The following VPS16 variants were observed in gnomAD, a reference collection of about 807,000 sequenced individuals.
VPS16 encodes the protein vacuolar protein sorting-associated protein 16 homolog.
Under a neutral mutation model 116.0 loss-of-function variants are expected in VPS16, and 82 were observed. The ratio of observed to expected loss-of-function variants is 0.71; its 90% CI spans 0.59 to 0.85. VPS16 has a LOEUF of 0.85. VPS16 is among the 40% of genes least tolerant of loss of function. The pLI is 0.00. For missense variants in VPS16, 928 were observed against 1,090.6 expected (o/e 0.85, Z 2.10); for synonymous variants, 406 against 420.7 (o/e 0.96, Z 0.43).
chr20:2,850,427 G>A (rs1426430088), intron 1 of VPS16, among the ~76,000 whole-genome samples: 6 of 152,074 alleles, frequency 3.9e-5, no homozygotes, highest in African/African-American at 1.4e-4. Context: ...AAGAAATCGA[G>A]ACTATCTGGC....
Position 2,866,453 on chromosome 20 carries a change from T to G in VPS16, c.2399T>G (p.Val800Gly), listed in dbSNP as rs748177766. The change falls in exon 24 of 24, where the codon GTG (valine) becomes GGG (glycine). Residue 800 changes from valine (V) to glycine (G), a missense_variant. Val to Gly is a moderately radical substitution (Grantham distance 109). Coordinates refer to ENST00000380445, the MANE Select transcript of VPS16 (RefSeq NM_022575.4). ...AGCGATGTGGCTCAGGCTGCAGATG[T>G]GGCCATCGAACACCGGAATGAGGCT... is the stretch of plus-strand genomic sequence containing the variant. ...LVGDVAQAAD[V>G]AIEHRNEAEL... 3.1e-6 allele frequency: 5 copies of G among 1,614,044 alleles called. No individual in the cohort carries two copies. Among genetic ancestry groups the G allele is most frequent in the Non-Finnish European group, 2.5e-6 (3 of 1,180,036 alleles).
chr20:2,853,565 T>G (rs1490797252), intron 1 of VPS16, among the ~76,000 whole-genome samples: 1 of 152,222 alleles, frequency 6.6e-6, no homozygotes. Context: ...CCTACTGAAG[T>G]CTTGAACCCC....
chr20:2,851,746 G>A (rs895836296), intron 1 of VPS16, among the ~76,000 whole-genome samples: 14 of 151,972 alleles, frequency 9.2e-5, no homozygotes, highest in Admixed American at 6.6e-5. Flanking sequence ...GAGGCAGGCA[G>A]ATCACAAGGT....
chr20:2,842,722 G>GTATCTATAGATAGATACATCTA (rs1599966396), intron 1 of VPS16, among the ~76,000 whole-genome samples: 1 of 44,542 alleles, frequency 2.2e-5, no homozygotes, highest in African/African-American at 2.2e-4. Context: ...ATAGACATAT[G>GTATCTATAGATAGATACATCTA]GATGTATCTA....
chr20:2,866,081 T>A (rs112907783), intron 22 of VPS16, 131 bp from the exon 23 acceptor site: 33 of 767,064 alleles, frequency 4.3e-5, no homozygotes, highest in African/African-American at 4.0e-4. Flanking sequence ...GGTTGGGGGA[T>A]TATATGTACT....
At chr20:2,855,446 A>G (rs993278827) in intron 1 of VPS16, among the ~76,000 whole-genome samples, 2 of 152,150 alleles carry the variant, frequency 1.3e-5, no homozygotes, top group African/African-American at 4.8e-5. Context: ...GGATTTTCAG[A>G]ATGGTAAATG....
chr20:2,845,038 G>T (rs1383450498), intron 1 of VPS16, among the ~76,000 whole-genome samples: 1 of 151,654 alleles, frequency 6.6e-6, no homozygotes, highest in East Asian at 1.9e-4. Flanking sequence ...GTGTGTGTGT[G>T]TGTGTTTTAA....
chr20:2,841,692 T>C (rs757015034), intron 1 of VPS16, among the ~76,000 whole-genome samples: 6 of 152,084 alleles, frequency 3.9e-5, no homozygotes, highest in Non-Finnish European at 8.8e-5. Context: ...TTAGGTATGG[T>C]CTATTTGTAT....
intron 1 of VPS16, among the ~76,000 whole-genome samples, chr20:2,855,602 T>C (rs2089165245): frequency 6.6e-6 from 1 of 152,238 alleles, no homozygotes; most frequent in African/African-American, 2.4e-5. Flanking sequence ...TAAGACTGTT[T>C]TGTCTACATT....
intron 7 of VPS16, 30 bp from the exon 8 acceptor site, chr20:2,861,195 A>G: frequency 2.5e-6 from 4 of 1,614,192 alleles, no homozygotes; most frequent in Non-Finnish European, 3.4e-6. Context: ...CTGCTGGGAC[A>G]GGGCCATGAC....
chr20:2,861,266 A>G lies in VPS16; in HGVS notation c.795A>G (p.Pro265=). The G allele has an allele frequency of 1.9e-6, 3 of 1,614,168 alleles. No homozygotes were observed. The highest frequency in any genetic ancestry group is 2.5e-6 in the Non-Finnish European group (3 of 1,180,018). ...TCAACTGCAACATCCGGGCACCTCCAAAGCAGATGGTCTGGTAAGGATGGG... is the reference window on the plus strand; with the variant it reads ...TCAACTGCAACATCCGGGCACCTCCGAAGCAGATGGTCTGGTAAGGATGGG... ...CEFNCNIRAP[P]KQMVWCSRPR... is the part of the protein sequence containing the mutation. The change falls in exon 8 of 24, where the codon CCA becomes CCG. Residue 265 remains proline, a synonymous_variant. Coordinates refer to ENST00000380445, the MANE Select transcript of VPS16 (RefSeq NM_022575.4).
At chr20:2,841,756 T>C (rs1349499808) in intron 1 of VPS16, among the ~76,000 whole-genome samples, 2 of 150,212 alleles carry the variant, frequency 1.3e-5, no homozygotes, top group Non-Finnish European at 2.9e-5. Context: ...CCTTCAGGGC[T>C]GAAAGCATTT....
chr20:2,843,435 G>C (rs993321716), intron 1 of VPS16, among the ~76,000 whole-genome samples: 1 of 137,772 alleles, frequency 7.3e-6, no homozygotes, highest in African/African-American at 2.7e-5. Context: ...CCATCTTGGG[G>C]AAAAAAAAAA....
intron 1 of VPS16, among the ~76,000 whole-genome samples, chr20:2,854,721 G>A (rs915697339): frequency 3.3e-5 from 5 of 151,126 alleles, no homozygotes; most frequent in East Asian, 2.0e-4. Flanking sequence ...GCTTGAACCC[G>A]GGAGGTGGAG....
At chr20:2,862,759 G>GGGGGGGGGGGGGGGGGGGGGGGT in intron 12 of VPS16, 48 bp from the exon 13 acceptor site, 2 of 777,192 alleles carry the variant, frequency 2.6e-6, no homozygotes, top group East Asian at 4.7e-5. Context: ...GAGGGGGTGG[G>GGGGGGGGGGGGGGGGGGGGGGGT]ATGGGCAGCA....
rs764192537 is a variant in VPS16 at position 2,862,819 on chromosome 20, G to A, written c.1216G>A (p.Gly406Arg). Reference sequence around the variant, plus strand: ...TGGCTCTTCTCAGGCCGCCTCCTTCGGAAAGTGTTTCCTGGACAGATTTCC... The same window carrying A: ...TGGCTCTTCTCAGGCCGCCTCCTTCAGAAAGTGTTTCCTGGACAGATTTCC... ...QKSLLRAASFGKCFLDRFPPD... is the reference protein window; with the variant it reads ...QKSLLRAASFRKCFLDRFPPD... The change falls in exon 13 of 24, where the codon GGA becomes AGA. Residue 406 changes from glycine to arginine, a missense_variant. Gly to Arg is a moderately radical substitution (Grantham distance 125). Coordinates refer to ENST00000380445, the MANE Select transcript of VPS16 (RefSeq NM_022575.4). The A allele has an allele frequency of 1.5e-5, 25 of 1,614,040 alleles. No homozygotes were observed. Among genetic ancestry groups the A allele is most frequent in the East Asian group, 2.2e-5 (1 of 44,872 alleles).
At chr20:2,846,427 G>A (rs936111284) in intron 1 of VPS16, among the ~76,000 whole-genome samples, 1 of 152,056 alleles carries the variant, frequency 6.6e-6, no homozygotes, top group Non-Finnish European at 1.5e-5. Context: ...TCTGTACTCC[G>A]CTTTTAATTA....
chr20:2,846,147 C>T (rs1226231866), intron 1 of VPS16, among the ~76,000 whole-genome samples: 5 of 126,406 alleles, frequency 4.0e-5, no homozygotes, highest in African/African-American at 1.5e-4. Flanking sequence ...GATGGAGTCT[C>T]GCTCTGTCGC....
Position 2,840,834 on chromosome 20 carries a change from T to TGCG in VPS16, c.53+9_53+10insGGC. 1.9e-6 allele frequency: 3 copies of TGCG among 1,538,620 alleles called. No homozygotes were observed. Among genetic ancestry groups the TGCG allele is most frequent in the Non-Finnish European group, 2.6e-6 (3 of 1,138,756 alleles). ...GGGACTCTGCCTTTTACCGGTGAGC[T>TGCG]GCCCCGCCCTCCCGCCCACGGCCTG... On this transcript the variant is annotated splice_region_variant and intron_variant, in intron 1 of 23. Coordinates refer to ENST00000380445, the MANE Select transcript of VPS16 (RefSeq NM_022575.4).
Sources: allele counts gnomAD v4.1 joint callset (sites outside exome capture counted in the v4.1 genomes callset), GRCh38; gene constraint gnomAD v4.1.1; transcripts MANE v1.5; gene names NCBI Gene and HGNC (gene_info 2026-07-23, HGNC 2026-07-21).